The following SDK1 variants were observed in gnomAD, a reference collection of about 807,000 sequenced individuals.
The protein encoded by SDK1 is sidekick cell adhesion molecule 1, also known as protein sidekick-1.
In SDK1, 157 loss-of-function variants were observed where a neutral mutation model predicts 245.5. The ratio of observed to expected loss-of-function variants is 0.64; its 90% CI spans 0.56 to 0.73. The LOEUF (loss-of-function observed/expected upper bound fraction) is 0.73, where lower values mean the gene tolerates loss of function less well. Ranked by LOEUF, SDK1 falls within the 30% of genes least tolerant of loss-of-function variation. The probability of loss-of-function intolerance (pLI) is 0.00; values close to 1 mark genes in which losing one functional copy is unlikely to be tolerated. For synonymous variants in SDK1, 1,647 were observed against 1,278.5 expected (o/e 1.29, Z -6.15); for missense variants, 3,583 against 3,002.3 (o/e 1.19, Z -4.52).
At chr7:4,011,860 A>C (rs1444472237) in intron 15 of SDK1, among the ~76,000 whole-genome samples, 1 of 152,140 alleles carries the variant, frequency 6.6e-6, no homozygotes, top group Non-Finnish European at 1.5e-5. Flanking sequence ...TTCACACAGA[A>C]CAAAGTCACC....
chr7:3,647,159 G>T (rs1227855192), intron 4 of SDK1, among the ~76,000 whole-genome samples: 1 of 152,248 alleles, frequency 6.6e-6, no homozygotes, highest in Non-Finnish European at 1.5e-5. Flanking sequence ...GCCAAAGCAG[G>T]AGGATGGCTT....
intron 1 of SDK1, among the ~76,000 whole-genome samples, chr7:3,444,445 T>A (rs990539635): frequency 6.6e-6 from 1 of 152,196 alleles, no homozygotes; most frequent in Non-Finnish European, 1.5e-5. Flanking sequence ...ATTTATTGAG[T>A]CAATGGGTGA....
At chr7:3,315,140 A>G (rs1192197966) in intron 1 of SDK1, among the ~76,000 whole-genome samples, 2 of 152,162 alleles carry the variant, frequency 1.3e-5, no homozygotes, top group South Asian at 2.1e-4. Flanking sequence ...GAAGACTACA[A>G]TGTTAGTATT....
chr7:3,512,462 C>T lies in SDK1; in HGVS notation c.299-106618C>T, dbSNP rs185600547. On this transcript the variant is annotated intron_variant, in intron 1 of 44. Coordinates refer to ENST00000404826, the MANE Select transcript of SDK1 (RefSeq NM_152744.4). ...TTTTTGTATGTGGAAATAAGTTTTC[C>T]ATTTCTTTGGGTGAATACCAAGGAG... 3.4e-4 allele frequency among the ~76,000 whole-genome samples: 51 copies of T among 152,238 alleles called. 1 individual carries two copies. The highest frequency in any genetic ancestry group is 2.6e-3 in the Admixed American group (39 of 15,292).
intron 44 of SDK1, 67 bp from the exon 45 acceptor site, chr7:4,265,057 C>G: frequency 1.3e-6 from 2 of 1,562,362 alleles, no homozygotes; most frequent in Admixed American, 3.7e-5. Context: ...CGCCAGGCCT[C>G]CTGCCCAGCA....
chr7:4,252,586 A>G (rs1401976673), intron 44 of SDK1, among the ~76,000 whole-genome samples: 1 of 152,090 alleles, frequency 6.6e-6, no homozygotes, highest in Admixed American at 6.5e-5. Flanking sequence ...TTTTGTATCT[A>G]TACTTATAAG....
Position 4,050,144 on chromosome 7 carries a change from G to A in SDK1, c.2718+681G>A, listed in dbSNP as rs1211656896. Among the ~76,000 whole-genome samples, 7 of 152,184 alleles carry A rather than the reference G, an allele frequency of 4.6e-5. No individual in the cohort carries two copies. In the East Asian group the frequency reaches 9.6e-4, roughly 21 times the overall value. Reference sequence around the variant, plus strand: ...GGTCCACTAATCGTCTTTAATAGACGATGGACAGGGGAAGCTCTATACAGT... The same window carrying A: ...GGTCCACTAATCGTCTTTAATAGACAATGGACAGGGGAAGCTCTATACAGT... On this transcript the variant is annotated intron_variant, in intron 18 of 44. Transcript: ENST00000404826.
At chr7:3,378,741 T>A (rs1781412688) in intron 1 of SDK1, among the ~76,000 whole-genome samples, 1 of 151,844 alleles carries the variant, frequency 6.6e-6, no homozygotes, top group Admixed American at 6.6e-5. Context: ...GAGCTCAGCT[T>A]CAGGTGACTT....
At chr7:4,003,409 G>T (rs913001724) in intron 14 of SDK1, among the ~76,000 whole-genome samples, 4 of 152,312 alleles carry the variant, frequency 2.6e-5, no homozygotes, top group African/African-American at 9.6e-5. Flanking sequence ...CATTCATTGA[G>T]CCCACAGTGA....
At chr7:3,568,031 G>A (rs1779983611) in intron 1 of SDK1, among the ~76,000 whole-genome samples, 1 of 152,096 alleles carries the variant, frequency 6.6e-6, no homozygotes, top group South Asian at 2.1e-4. Context: ...ATGTTGTCCA[G>A]GCTGGTCTCA....
At chr7:4,153,411 C>T (rs1384131588) in intron 30 of SDK1, among the ~76,000 whole-genome samples, 5 of 151,974 alleles carry the variant, frequency 3.3e-5, no homozygotes, top group Non-Finnish European at 7.4e-5. Flanking sequence ...TATGGTGAAA[C>T]CCTGTCTCTA....
intron 1 of SDK1, among the ~76,000 whole-genome samples, chr7:3,383,093 AT>A: frequency 6.6e-6 from 1 of 152,312 alleles, no homozygotes; most frequent in East Asian, 1.9e-4. Flanking sequence ...GCTAAAAAAA[AT>A]CCCATTCAAA....
At chr7:3,436,337 A>C (rs573863078) in intron 1 of SDK1, among the ~76,000 whole-genome samples, 2 of 152,168 alleles carry the variant, frequency 1.3e-5, no homozygotes, top group Admixed American at 1.3e-4. Flanking sequence ...AAAAGTGTGC[A>C]ATATTGGTTT....
intron 1 of SDK1, among the ~76,000 whole-genome samples, chr7:3,382,879 T>C (rs1253749242): frequency 1.3e-5 from 2 of 152,212 alleles, no homozygotes; most frequent in Non-Finnish European, 2.9e-5. Flanking sequence ...ATTTCTGTTT[T>C]ATTGTATATT....
At chr7:3,947,966 T>C (rs1378259782) in intron 5 of SDK1, among the ~76,000 whole-genome samples, 1 of 152,196 alleles carries the variant, frequency 6.6e-6, no homozygotes, top group Non-Finnish European at 1.5e-5. Flanking sequence ...AGCCTCTCTG[T>C]AATGTTCTTT....
chr7:3,352,882 A>G (rs1025832845), intron 1 of SDK1, among the ~76,000 whole-genome samples: 2 of 152,046 alleles, frequency 1.3e-5, no homozygotes, highest in Non-Finnish European at 2.9e-5. Context: ...GTGGGAATCT[A>G]AATCGGAACA....
At chr7:3,467,865 G>A (rs1262629501) in intron 1 of SDK1, among the ~76,000 whole-genome samples, 10 of 152,030 alleles carry the variant, frequency 6.6e-5, no homozygotes. Context: ...GCTGATAAAT[G>A]CTTGGAGGAA....
At chr7:3,474,104 T>TTTTG (rs1781270950) in intron 1 of SDK1, among the ~76,000 whole-genome samples, 1 of 131,774 alleles carries the variant, frequency 7.6e-6, no homozygotes, top group Non-Finnish European at 1.6e-5. Context: ...TTTTTTTTTT[T>TTTTG]TTTTTTTTTT....
chr7:3,792,775 C>A (rs980748618), intron 4 of SDK1, among the ~76,000 whole-genome samples: 4 of 152,104 alleles, frequency 2.6e-5, no homozygotes, highest in African/African-American at 9.7e-5. Context: ...GTCTCCCATC[C>A]ACCCATCCAT....
Sources: gnomAD v4.1 joint callset for allele counts (sites outside exome capture counted in the v4.1 genomes callset) on GRCh38, gnomAD v4.1.1 for gene constraint, MANE v1.5 for transcripts, NCBI Gene and HGNC (gene_info 2026-07-23, HGNC 2026-07-21) for gene names.